Variants in COBLL1 observed in about 807,000 individuals in gnomAD.
COBLL1 encodes cordon-bleu WH2 repeat protein like 1.
COBLL1 carries 50 observed loss-of-function variants against 94.8 expected under a neutral mutation model. That is an observed-to-expected ratio of 0.53 (90% CI 0.42 to 0.67). COBLL1 has a LOEUF of 0.67. COBLL1 is among the 30% of genes least tolerant of loss of function. The pLI is 0.00. For synonymous variants in COBLL1, 448 were observed against 473.8 expected, an observed-to-expected ratio of 0.95 and a Z score of 0.71; for missense variants, 1,362 against 1,348.7, an observed-to-expected ratio of 1.01 and a Z score of -0.15.
At chr2:164,731,355 TC>T (rs1277027293) in intron 3 of COBLL1, among the ~76,000 whole-genome samples, 9 of 152,356 alleles carry the variant, frequency 5.9e-5, no homozygotes, top group African/African-American at 1.9e-4. Flanking sequence ...ATAGAAACTT[TC>T]ATACCCAACT....
chr2:164,781,400 G>A (rs146725532), intron 2 of COBLL1, among the ~76,000 whole-genome samples: 1 of 152,208 alleles, frequency 6.6e-6, no homozygotes, highest in East Asian at 1.9e-4. Context: ...AGAAGCATTG[G>A]GCCAATATTT....
intron 2 of COBLL1, among the ~76,000 whole-genome samples, chr2:164,794,794 T>C (rs1423566820): frequency 6.6e-6 from 1 of 152,184 alleles, no homozygotes; most frequent in Admixed American, 6.5e-5. Flanking sequence ...ACAGACCCTC[T>C]TGCCCCAGAA....
At chr2:164,839,526 T>C (rs1331357823) in intron 2 of COBLL1, among the ~76,000 whole-genome samples, 1 of 152,256 alleles carries the variant, frequency 6.6e-6, no homozygotes, top group Non-Finnish European at 1.5e-5. Flanking sequence ...CAGAGCCATC[T>C]GACCTCACCT....
chr2:164,728,263 C>T (rs1265648788), intron 4 of COBLL1, 66 bp from the exon 5 acceptor site: 1 of 980,266 alleles, frequency 1.0e-6, no homozygotes, highest in Non-Finnish European at 1.6e-6. Context: ...ACAATAATGT[C>T]TAGAATAATG....
chr2:164,753,297 C>T (rs915841152), intron 2 of COBLL1, among the ~76,000 whole-genome samples: 1 of 152,150 alleles, frequency 6.6e-6, no homozygotes, highest in African/African-American at 2.4e-5. Context: ...CATTTCAACA[C>T]CTGGAATACC....
At chr2:164,803,389 C>A (rs1683915072) in intron 2 of COBLL1, among the ~76,000 whole-genome samples, 1 of 151,402 alleles carries the variant, frequency 6.6e-6, no homozygotes, top group African/African-American at 2.4e-5. Context: ...AACGGTGAAA[C>A]CCCGTCTCTA....
At chr2:164,791,467 C>T (rs1044274084) in intron 2 of COBLL1, among the ~76,000 whole-genome samples, 3 of 149,160 alleles carry the variant, frequency 2.0e-5, no homozygotes, top group African/African-American at 5.0e-5. Flanking sequence ...TATCCCATTG[C>T]TATCAGATAG....
chr2:164,752,083 T>C (rs1687154758), intron 2 of COBLL1, among the ~76,000 whole-genome samples: 1 of 152,198 alleles, frequency 6.6e-6, no homozygotes, highest in Non-Finnish European at 1.5e-5. Context: ...ACATATGGAA[T>C]GCTAGTGTCA....
intron 2 of COBLL1, chr2:164,773,746 C>G: frequency 7.7e-7 from 1 of 1,297,748 alleles, no homozygotes; most frequent in Non-Finnish European, 1.0e-6. Context: ...TATTGTTCCT[C>G]TAGCGCTTTA....
intron 5 of COBLL1, among the ~76,000 whole-genome samples, chr2:164,726,277 T>G (rs1685719335): frequency 6.6e-6 from 1 of 152,174 alleles, no homozygotes; most frequent in Admixed American, 6.5e-5. Context: ...ATTTCTAATC[T>G]CCTATTATTA....
intron 2 of COBLL1, among the ~76,000 whole-genome samples, chr2:164,768,489 A>G (rs918024702): frequency 2.6e-5 from 4 of 152,096 alleles, no homozygotes; most frequent in Admixed American, 2.6e-4. Flanking sequence ...TTTTCTTCCA[A>G]TGTGGCCCAC....
At chr2:164,815,965 A>T (rs1232031348) in intron 2 of COBLL1, among the ~76,000 whole-genome samples, 1 of 152,164 alleles carries the variant, frequency 6.6e-6, no homozygotes, top group Non-Finnish European at 1.5e-5. Flanking sequence ...AAAACCCAGT[A>T]GGGACAAAAC....
chr2:164,721,945 C>T, intron 7 of COBLL1, 130 bp downstream of exon 7: 1 of 606,640 alleles, frequency 1.6e-6, no homozygotes, highest in South Asian at 2.6e-5. Flanking sequence ...ATATTAGTAA[C>T]TGTTACTAAT....
intron 2 of COBLL1, among the ~76,000 whole-genome samples, chr2:164,832,901 G>T (rs577050029): frequency 8.6e-5 from 13 of 151,996 alleles, no homozygotes; most frequent in Non-Finnish European, 1.5e-4. Flanking sequence ...AAATTAGCCG[G>T]GTATGGTGGC....
intron 2 of COBLL1, among the ~76,000 whole-genome samples, chr2:164,833,890 T>C (rs183561826): frequency 7.2e-5 from 11 of 152,340 alleles, no homozygotes; most frequent in Admixed American, 7.2e-4. Flanking sequence ...AAATTACCCA[T>C]GCTCACTCTA....
chr2:164,841,294 G>A lies in COBLL1; in HGVS notation c.-50-48C>T. The stretch of plus-strand genomic sequence containing the variant: ...GTCAGGGCGGGACGCGCGCCTTCCC[G>A]AGGCCGGAGCGAAGCTGGCTGAGCG... On this transcript the variant is annotated intron_variant, in intron 1 of 13. Coordinates refer to ENST00000652658, the MANE Select transcript of COBLL1 (RefSeq NM_001365672.2). This position sits in a 1 kb window ranked among gnomAD's most constrained non-coding sequence, Gnocchi z 5.5. The A allele has an allele frequency of 1.6e-6, 2 of 1,216,618 alleles. No homozygotes were observed. The highest frequency in any genetic ancestry group is 6.6e-5 in the East Asian group (2 of 30,336). The allele number at this position is 1,216,618 out of a possible 1,614,324, so 75.4% of individuals were successfully genotyped here. A position where few individuals can be genotyped will look rare whatever the true frequency, so the allele number is the denominator to read the frequency against.
At chr2:164,709,378 A>G (rs1684766351) in intron 7 of COBLL1, among the ~76,000 whole-genome samples, 2 of 152,116 alleles carry the variant, frequency 1.3e-5, no homozygotes, top group Non-Finnish European at 2.9e-5. Flanking sequence ...ATGATGGTAA[A>G]TGGATATGCA....
chr2:164,821,361 C>G (rs1218568410), intron 2 of COBLL1, among the ~76,000 whole-genome samples: 1 of 152,162 alleles, frequency 6.6e-6, no homozygotes, highest in Admixed American at 6.5e-5. Flanking sequence ...GTCAAAAACA[C>G]AGAAAGGAAA....
At position 164,805,333 on chromosome 2, in the gene COBLL1, C is replaced by CTATATATA. The variant is rs1406604214; in HGVS notation, c.41+35822_41+35823insTATATATA. 4.0e-3 allele frequency among the ~76,000 whole-genome samples: 82 copies of CTATATATA among 20,530 alleles called. 2 individuals are homozygous for CTATATATA. The highest frequency in any genetic ancestry group is 6.2e-3 in the Admixed American group (7 of 1,126). 13.5% of individuals were successfully genotyped at this position (20,530 alleles called of 152,430 possible). ...TCTCTCTCTCTCTCTCTCTCTCTCT[C>CTATATATA]TCTCTATATATATATATATATATAT... On this transcript the variant is annotated intron_variant, in intron 2 of 13. Coordinates refer to ENST00000652658, the MANE Select transcript of COBLL1 (RefSeq NM_001365672.2).
Sources: gnomAD v4.1 joint callset for allele counts (sites outside exome capture counted in the v4.1 genomes callset) on GRCh38, gnomAD v4.1.1 for gene constraint, Gnocchi (gnomAD v3.1) non-coding constraint, MANE v1.5 for transcripts, NCBI Gene and HGNC (gene_info 2026-07-23, HGNC 2026-07-21) for gene names.